The following BAG1 variants were observed in gnomAD, a reference collection of about 807,000 sequenced individuals.
BAG1 encodes the protein BAG family molecular chaperone regulator 1.
BAG1 carries 35 observed loss-of-function variants against 35.5 expected under a neutral mutation model. That is an observed-to-expected ratio of 0.99 (90% CI 0.75 to 1.31). The LOEUF is 1.31. Ranked by LOEUF, BAG1 falls within the 50% of genes most tolerant of loss-of-function variation. BAG1 has a pLI of 0.00. For synonymous variants in BAG1, 191 were observed against 178.9 expected (o/e 1.07, Z -0.54); for missense variants, 464 against 453.6 (o/e 1.02, Z -0.21).
chr9:33,261,886 C>T, intron 2 of BAG1: 1 of 985,334 alleles, frequency 1.0e-6, no homozygotes, highest in East Asian at 1.1e-4. Flanking sequence ...CCCGCCACAT[C>T]CAGGCCTCAG....
chr9:33,261,801 G>C (rs571635641), intron 2 of BAG1: 23 of 851,128 alleles, frequency 2.7e-5, no homozygotes, highest in Admixed American at 1.9e-4. Context: ...AGATTCTCAG[G>C]GGGGTGGGAA....
At chr9:33,263,486 G>C (rs189012237) in intron 1 of BAG1, among the ~76,000 whole-genome samples, 160 of 152,346 alleles carry the variant, frequency 1.1e-3, no homozygotes, top group African/African-American at 3.6e-3. Flanking sequence ...GAGGGAGCCT[G>C]TGTACAGTAC....
In BAG1 at chr9:33,264,571, G is replaced by C. The variant is rs1316209421; in HGVS notation, c.104C>G (p.Pro35Arg). ...GGGAGGCGGACCACGCTGGGCCGGG[G>C]GCTCCGACTGGCGCGGCTCCCGGCC... The change falls in exon 1 of 7, where the codon CCC becomes CGC. Residue 35 changes from proline to arginine, a missense_variant. Pro to Arg is a moderately radical substitution (Grantham distance 103). Transcript: ENST00000634734. 4.2e-6 allele frequency: 6 copies of C among 1,420,618 alleles called. No individual in the cohort carries two copies. The highest frequency in any genetic ancestry group is 1.5e-5 in the African/African-American group (1 of 66,672). 88.0% of individuals were successfully genotyped at this position (1,420,618 alleles called of 1,614,324 possible).
intron 2 of BAG1, among the ~76,000 whole-genome samples, chr9:33,261,617 AT>A (rs1409228622): frequency 6.6e-6 from 1 of 152,174 alleles, no homozygotes; most frequent in Non-Finnish European, 1.5e-5. Flanking sequence ...GCATTCCTCT[AT>A]TTTGAAACAT....
At chr9:33,256,964 A>G in intron 4 of BAG1, 56 bp from the exon 5 acceptor site, 1 of 1,312,304 alleles carries the variant, frequency 7.6e-7, no homozygotes, top group Non-Finnish European at 1.1e-6. Flanking sequence ...GGAAGACTCC[A>G]TGCCACAATA....
intron 6 of BAG1, 128 bp downstream of exon 6, chr9:33,255,737 T>C: frequency 2.0e-6 from 2 of 987,746 alleles, no homozygotes; most frequent in South Asian, 2.9e-5. Context: ...GGGTTCCTGC[T>C]GATAAATATA....
At chr9:33,261,738 T>G (rs1356756971) in intron 2 of BAG1, among the ~76,000 whole-genome samples, 1 of 152,232 alleles carries the variant, frequency 6.6e-6, no homozygotes, top group African/African-American at 2.4e-5. Context: ...AAATTCTTTA[T>G]AATGACTGAC....
intron 2 of BAG1, 42 bp downstream of exon 2, chr9:33,262,657 CAAA>C (rs377180988): frequency 9.7e-5 from 114 of 1,179,326 alleles, no homozygotes; most frequent in South Asian, 2.3e-4. Flanking sequence ...AACTTCGTCT[CAAA>C]AAAAAAAAAA....
At chr9:33,255,788 C>T in intron 6 of BAG1, 77 bp downstream of exon 6, 1 of 1,501,484 alleles carries the variant, frequency 6.7e-7, no homozygotes, top group Non-Finnish European at 9.3e-7. Context: ...TCCTACACTA[C>T]CTGATTTTGA....
rs779751293 is a variant in BAG1 at position 33,255,856 on chromosome 9, A to T, written c.948+9T>A. 7.4e-6 allele frequency: 12 copies of T among 1,611,718 alleles called. No homozygotes were observed. Among genetic ancestry groups the T allele is most frequent in the Non-Finnish European group, 8.5e-7 (1 of 1,177,778 alleles). Reference sequence around the variant, plus strand: ...ATTACACCTTGTCGTGCACTATTACACAACTCACCTGAACCTTTTTTACCA... The same window carrying T: ...ATTACACCTTGTCGTGCACTATTACTCAACTCACCTGAACCTTTTTTACCA... On this transcript the variant is annotated intron_variant, in intron 6 of 6. Transcript: ENST00000634734.
At chr9:33,259,973 A>AGGTAGATTAGTCC (rs905661150) in intron 3 of BAG1, 2 of 152,198 alleles carry the variant, frequency 1.3e-5, no homozygotes, top group African/African-American at 4.8e-5. Context: ...CACAGTCCAA[A>AGGTAGATTAGTCC]AGAGGTAGAT....
In BAG1 at chr9:33,254,828, G is replaced by A. The variant is rs571911375; in HGVS notation, c.*391C>T. On this transcript the variant is annotated 3_prime_UTR_variant, in exon 7 of 7. Coordinates refer to ENST00000634734, the MANE Select transcript of BAG1 (RefSeq NM_004323.6). ...TGGTTTTACAGCTATGGGACTACAC[G>A]ATCACAAGAGCAAAGAAGCCCTCAT... is the stretch of plus-strand genomic sequence containing the variant. The A allele has an allele frequency of 4.6e-5, 17 of 373,366 alleles. No homozygotes were observed. The highest frequency in any genetic ancestry group is 2.5e-4 in the African/African-American group (12 of 47,244). 23.1% of individuals were successfully genotyped at this position (373,366 alleles called of 1,614,324 possible).
At chr9:33,256,985 A>G (rs991950464) in intron 4 of BAG1, 77 bp from the exon 5 acceptor site, 79 of 1,078,554 alleles carry the variant, frequency 7.3e-5, no homozygotes, top group Non-Finnish European at 1.1e-4. Context: ...CTAATGATGC[A>G]ATCACACTGA....
intron 1 of BAG1, 107 bp downstream of exon 1, chr9:33,264,117 C>T (rs781253698): frequency 1.3e-4 from 179 of 1,355,756 alleles, no homozygotes; most frequent in South Asian, 9.0e-4. Flanking sequence ...TTCCGGACGC[C>T]AGGACAAGCG....
In BAG1 at chr9:33,262,963, C is replaced by A; in HGVS notation, c.452-133G>T. 4 of 1,247,678 alleles carry A rather than the reference C, an allele frequency of 3.2e-6. No individual in the cohort carries two copies. The South Asian group carries it at 6.8e-5, about 21-fold the overall frequency. 77.3% of individuals were successfully genotyped at this position (1,247,678 alleles called of 1,614,324 possible). ...GCCACCTACTCCACAGAGCCTGCCC[C>A]CATGCCACCCAGCTTTCCTCTGGTG... is the stretch of plus-strand genomic sequence containing the variant. On this transcript the variant is annotated intron_variant, in intron 1 of 6. Coordinates refer to ENST00000634734, the MANE Select transcript of BAG1 (RefSeq NM_004323.6).
chr9:33,261,968 T>A lies in BAG1; in HGVS notation c.580+734A>T. ...TGGAAACACAGCAGTATCTCCACCCTCACGGAGGCTGTTATTTTAACAGAG... is the reference window on the plus strand; with the variant it reads ...TGGAAACACAGCAGTATCTCCACCCACACGGAGGCTGTTATTTTAACAGAG... On this transcript the variant is annotated intron_variant, in intron 2 of 6. Coordinates refer to ENST00000634734, the MANE Select transcript of BAG1 (RefSeq NM_004323.6). 2.5e-6 allele frequency: 3 copies of A among 1,184,678 alleles called. No individual in the cohort carries two copies. The South Asian group carries it at 4.8e-5, about 19-fold the overall frequency. The allele number at this position is 1,184,678 out of a possible 1,614,324, so 73.4% of individuals were successfully genotyped here.
At chr9:33,256,100 T>C (rs1030001290) in intron 5 of BAG1, among the ~76,000 whole-genome samples, 173 bp from the exon 6 acceptor site, 5 of 152,222 alleles carry the variant, frequency 3.3e-5, no homozygotes, top group Non-Finnish European at 7.3e-5. Context: ...CCTGGGTCTG[T>C]ATCCTGTATG....
intron 3 of BAG1, 39 bp downstream of exon 3, chr9:33,261,048 A>T (rs779216485): frequency 1.3e-6 from 2 of 1,539,322 alleles, no homozygotes; most frequent in African/African-American, 2.8e-5. Context: ...GACTTCAGTC[A>T]TTTGATTCTG....
rs780586858 is a variant in BAG1 at position 33,253,488 on chromosome 9, G to A, written c.*1731C>T. On this transcript the variant is annotated 3_prime_UTR_variant, in exon 7 of 7. Coordinates refer to ENST00000634734, the MANE Select transcript of BAG1 (RefSeq NM_004323.6). Reference sequence around the variant, plus strand: ...CTTCTCATTAAATGTTGTGGCCCACGCCACACAGCTATCACACAAAAATAG... The same window carrying A: ...CTTCTCATTAAATGTTGTGGCCCACACCACACAGCTATCACACAAAAATAG... The A allele has an allele frequency of 6.6e-6, 1 of 152,140 alleles. No individual in the cohort carries two copies. Among genetic ancestry groups the A allele is most frequent in the African/African-American group, 2.4e-5 (1 of 41,418 alleles). 9.4% of individuals were successfully genotyped at this position (152,140 alleles called of 1,614,324 possible).
Sources: gnomAD v4.1 joint callset for allele counts (sites outside exome capture counted in the v4.1 genomes callset) on GRCh38, gnomAD v4.1.1 for gene constraint, MANE v1.5 for transcripts, NCBI Gene and HGNC (gene_info 2026-07-23, HGNC 2026-07-21) for gene names.